ENPP3: variants seen among roughly 807,000 people sequenced by gnomAD.
ENPP3 encodes ectonucleotide pyrophosphatase/phosphodiesterase 3.
In ENPP3, 104 loss-of-function variants were observed where a neutral mutation model predicts 117.8. That is an observed-to-expected ratio of 0.88 (90% CI 0.75 to 1.04). The LOEUF (loss-of-function observed/expected upper bound fraction) is 1.04. ENPP3 is among the 50% of genes least tolerant of loss of function. The pLI is 0.00. For synonymous variants in ENPP3, 380 were observed against 349.9 expected (o/e 1.09, Z -0.96); for missense variants, 1,026 against 1,051.9 (o/e 0.98, Z 0.34).
intron 6 of ENPP3, among the ~76,000 whole-genome samples, chr6:131,668,196 C>CT: frequency 7.1e-6 from 1 of 140,784 alleles, no homozygotes; most frequent in Non-Finnish European, 1.5e-5. Context: ...GAGTCGGAGT[C>CT]TCGCTCTGCG....
chr6:131,655,732 A>G lies in ENPP3; in HGVS notation c.465-2591A>G, dbSNP rs117160235. Among the ~76,000 whole-genome samples the G allele has an allele frequency of 3.5e-4, 53 of 152,340 alleles. No homozygotes were observed. In the East Asian group the frequency reaches 9.4e-3, roughly 27 times the overall value. On this transcript the variant is annotated intron_variant, in intron 5 of 24. Transcript: ENST00000357639. ...ATGGCCTTCTCCAAACTGGCAAATCACTGTCCACCTGAGGATTTGAGAGCT... is the reference window on the plus strand; with the variant it reads ...ATGGCCTTCTCCAAACTGGCAAATCGCTGTCCACCTGAGGATTTGAGAGCT...
intron 15 of ENPP3, among the ~76,000 whole-genome samples, chr6:131,695,057 C>G (rs1012040037): frequency 6.6e-6 from 1 of 151,716 alleles, no homozygotes; most frequent in Admixed American, 6.6e-5. Context: ...TCTTTGGGAT[C>G]GAAGTTTATT....
rs528244727 is a variant in ENPP3, at chr6:131,721,873, T to C, written c.1568-354T>C. 1.8e-4 allele frequency among the ~76,000 whole-genome samples: 27 copies of C among 152,340 alleles called. No homozygotes were observed. The East Asian group carries it at 5.0e-3, about 28-fold the overall frequency. On this transcript the variant is annotated intron_variant, in intron 17 of 24. Transcript: ENST00000357639. ...CATTCATGAAAGTTCCTCTGGCTCATCTGCAGCAACTGTTCCTATTCCTCA... is the reference window on the plus strand; with the variant it reads ...CATTCATGAAAGTTCCTCTGGCTCACCTGCAGCAACTGTTCCTATTCCTCA...
intron 18 of ENPP3, among the ~76,000 whole-genome samples, chr6:131,723,009 C>T (rs950256050): frequency 6.6e-6 from 1 of 152,174 alleles, no homozygotes; most frequent in Non-Finnish European, 1.5e-5. Flanking sequence ...GGAGTCATAA[C>T]AGCAGCTCAA....
intron 6 of ENPP3, among the ~76,000 whole-genome samples, chr6:131,670,064 A>G (rs1778706722): frequency 1.3e-5 from 2 of 152,214 alleles, no homozygotes; most frequent in African/African-American, 4.8e-5. Flanking sequence ...AAACAGGGTT[A>G]TTGCACAGAT....
chr6:131,724,640 T>TATACAGTTGCTGTGAAGATTAC (rs1323942073), intron 19 of ENPP3, among the ~76,000 whole-genome samples: 3 of 152,214 alleles, frequency 2.0e-5, no homozygotes, highest in African/African-American at 7.2e-5. Flanking sequence ...ATACCTACTT[T>TATACAGTTGCTGTGAAGATTAC]ATACAGTTGC....
intron 13 of ENPP3, 50 bp from the exon 14 acceptor site, chr6:131,685,826 T>G: frequency 1.3e-6 from 1 of 760,110 alleles, no homozygotes; most frequent in South Asian, 1.5e-5. Flanking sequence ...TTCTTTGCAT[T>G]TGTTCGTTAT....
chr6:131,677,899 C>G lies in ENPP3; in HGVS notation c.970C>G (p.Pro324Ala), dbSNP rs764966431. 1.2e-6 allele frequency: 2 copies of G among 1,611,168 alleles called. No homozygotes were observed. Among genetic ancestry groups the G allele is most frequent in the Admixed American group, 3.3e-5 (2 of 59,964 alleles). The change falls in exon 11 of 25, where the codon CCT (proline) becomes GCT (alanine). Residue 324 changes from proline to alanine, a missense_variant. Pro to Ala is a conservative substitution (Grantham distance 27, BLOSUM62 -1). Coordinates refer to ENST00000357639, the MANE Select transcript of ENPP3 (RefSeq NM_005021.5). ...GTTTTATACCATGTATTTTGAAGAA[C>G]CTGATTCCTCTGGACATGCAGGTGG... ...PRFYTMYFEEPDSSGHAGGPV... is the reference protein window; with the variant it reads ...PRFYTMYFEEADSSGHAGGPV...
At chr6:131,666,415 T>A (rs1320496888) in intron 6 of ENPP3, among the ~76,000 whole-genome samples, 1 of 152,190 alleles carries the variant, frequency 6.6e-6, no homozygotes, top group Non-Finnish European at 1.5e-5. Context: ...ATTTGGGAGT[T>A]TTTAGCCATT....
rs568628985 is a variant in ENPP3, at chr6:131,688,790, G to A, written c.1284+2883G>A. Among the ~76,000 whole-genome samples the A allele has an allele frequency of 4.0e-3, 605 of 151,212 alleles. 3 individuals carry two copies. The highest frequency in any genetic ancestry group is 0.014 in the African/African-American group (576 of 41,154). ...CTTCTGGCCAGGTGCGGTGGCTGACGCCTATAATCCTAGCACTTTGGGAGG... is the reference window on the plus strand; with the variant it reads ...CTTCTGGCCAGGTGCGGTGGCTGACACCTATAATCCTAGCACTTTGGGAGG... On this transcript the variant is annotated intron_variant, in intron 14 of 24. Transcript: ENST00000357639.
At chr6:131,739,306 T>G (rs1251991129) in intron 23 of ENPP3, among the ~76,000 whole-genome samples, 1 of 152,164 alleles carries the variant, frequency 6.6e-6, no homozygotes, top group Non-Finnish European at 1.5e-5. Context: ...TTCATGTTCG[T>G]TATCTGAAAC....
intron 10 of ENPP3, among the ~76,000 whole-genome samples, chr6:131,677,282 C>T (rs907337467): frequency 1.3e-5 from 2 of 152,094 alleles, no homozygotes; most frequent in Admixed American, 6.5e-5. Flanking sequence ...TTTTTGTTTT[C>T]GAAAATGTGG....
At chr6:131,645,007 T>C (rs951108725) in intron 2 of ENPP3, among the ~76,000 whole-genome samples, 2 of 152,232 alleles carry the variant, frequency 1.3e-5, no homozygotes, top group Non-Finnish European at 2.9e-5. Context: ...TTCTAGTTTT[T>C]CATTGAGCAC....
intron 15 of ENPP3, among the ~76,000 whole-genome samples, chr6:131,712,233 C>G (rs1412257623): frequency 2.1e-5 from 3 of 144,842 alleles, no homozygotes; most frequent in Non-Finnish European, 4.4e-5. Flanking sequence ...GTTTTACTTG[C>G]TTTTTTGTAT....
At chr6:131,649,237 C>T (rs1440057210) in intron 2 of ENPP3, among the ~76,000 whole-genome samples, 1 of 152,106 alleles carries the variant, frequency 6.6e-6, no homozygotes, top group Admixed American at 6.5e-5. Flanking sequence ...ACCTATTTTC[C>T]AGAGTGACTT....
intron 14 of ENPP3, among the ~76,000 whole-genome samples, chr6:131,686,206 G>T (rs575845568): frequency 2.0e-4 from 30 of 152,234 alleles, no homozygotes. Context: ...AGGTAGCATC[G>T]TCTTTCTCAT....
intron 21 of ENPP3, among the ~76,000 whole-genome samples, chr6:131,737,034 G>A (rs1405469553): frequency 6.6e-6 from 1 of 152,120 alleles, no homozygotes; most frequent in African/African-American, 2.4e-5. Flanking sequence ...ACTAGTCACT[G>A]GATTTACAGT....
intron 15 of ENPP3, among the ~76,000 whole-genome samples, chr6:131,717,653 A>G (rs925427602): frequency 6.6e-5 from 10 of 152,202 alleles, no homozygotes; most frequent in Non-Finnish European, 1.0e-4. Flanking sequence ...AATTAATTAA[A>G]TTTGAAAATT....
intron 14 of ENPP3, among the ~76,000 whole-genome samples, chr6:131,687,135 A>G (rs978989292): frequency 1.3e-5 from 2 of 152,184 alleles, no homozygotes; most frequent in Non-Finnish European, 2.9e-5. Flanking sequence ...TTCCATCAAC[A>G]GTATATAAGT....
Sources: allele counts gnomAD v4.1 joint callset (sites outside exome capture counted in the v4.1 genomes callset), GRCh38; gene constraint gnomAD v4.1.1; transcripts MANE v1.5; gene names NCBI Gene and HGNC (gene_info 2026-07-23, HGNC 2026-07-21).